Variants in ARHGAP24 observed in about 807,000 individuals in gnomAD.
ARHGAP24 encodes the protein Rho GTPase activating protein 24.
In ARHGAP24, 50 loss-of-function variants were observed where a neutral mutation model predicts 76.4. That is an observed-to-expected ratio of 0.65 (90% CI 0.52 to 0.83). ARHGAP24 has a LOEUF of 0.83. Ranked by LOEUF, ARHGAP24 falls within the 40% of genes least tolerant of loss-of-function variation. The pLI is 0.00. For missense variants in ARHGAP24, 930 were observed against 914.2 expected, an observed-to-expected ratio of 1.02 and a Z score of -0.22; for synonymous variants, 345 against 323.3, an observed-to-expected ratio of 1.07 and a Z score of -0.72.
intron 3 of ARHGAP24, among the ~76,000 whole-genome samples, chr4:85,842,676 C>T (rs1454884126): frequency 1.3e-5 from 2 of 152,178 alleles, no homozygotes; most frequent in African/African-American, 4.8e-5. Context: ...AATTAGTCAA[C>T]ATTGTTTGTA....
intron 2 of ARHGAP24, among the ~76,000 whole-genome samples, chr4:85,632,813 A>G (rs1167954366): frequency 1.3e-5 from 2 of 152,012 alleles, no homozygotes; most frequent in Non-Finnish European, 2.9e-5. Flanking sequence ...GTTTATATAT[A>G]AATGTTTTTA....
chr4:85,518,956 CG>C (rs1560517471), intron 1 of ARHGAP24, among the ~76,000 whole-genome samples: 1 of 152,124 alleles, frequency 6.6e-6, no homozygotes. Context: ...TTTTCCATAG[CG>C]GCAGTACTAG....
intron 3 of ARHGAP24, among the ~76,000 whole-genome samples, chr4:85,835,163 C>T (rs345371): frequency 0.95 from 144,221 of 152,120 alleles, 68,851 homozygotes; most frequent in South Asian, 1. Context: ...GCATACCTCA[C>T]TCTTGCCGAC....
chr4:85,949,464 G>A (rs567642700), intron 5 of ARHGAP24, among the ~76,000 whole-genome samples: 35 of 152,328 alleles, frequency 2.3e-4, no homozygotes, highest in Middle Eastern at 6.8e-3. Context: ...ATCCTAGAGA[G>A]CTTTACTGAC....
chr4:85,976,779 C>CT lies in ARHGAP24; in HGVS notation c.807-773dup, dbSNP rs200270054. Among the ~76,000 whole-genome samples the CT allele has an allele frequency of 2.9e-3, 382 of 130,436 alleles. 4 individuals are homozygous for CT. The highest frequency in any genetic ancestry group is 8.6e-3 in the African/African-American group (294 of 34,172). 85.6% of individuals were successfully genotyped at this position (130,436 alleles called of 152,430 possible). On this transcript the variant is annotated intron_variant, in intron 7 of 9. Transcript: ENST00000395184. ...TTAATTTCTACAGCATTTTATTTCTCTTTTTTTTTTTTTTTTTTCCGAGAC... is the reference window on the plus strand; with the variant it reads ...TTAATTTCTACAGCATTTTATTTCTCTTTTTTTTTTTTTTTTTTTCCGAGAC...
chr4:85,731,164 C>CACCACGCTACA (rs11267875), intron 3 of ARHGAP24, among the ~76,000 whole-genome samples: 2 of 151,888 alleles, frequency 1.3e-5, no homozygotes, highest in Non-Finnish European at 2.9e-5. Context: ...CCCACAAAAC[C>CACCACGCTACA]ACCTTCTTAT....
chr4:85,579,217 T>A (rs1727507132), intron 2 of ARHGAP24, among the ~76,000 whole-genome samples: 1 of 152,116 alleles, frequency 6.6e-6, no homozygotes, highest in African/African-American at 2.4e-5. Context: ...TATTCTCACA[T>A]CTACTCTTAT....
chr4:85,944,639 G>C (rs1296325314), intron 5 of ARHGAP24, among the ~76,000 whole-genome samples: 2 of 152,096 alleles, frequency 1.3e-5, no homozygotes, highest in East Asian at 3.9e-4. Flanking sequence ...TGAAGTCTTT[G>C]TCTGGGGCCT....
intron 3 of ARHGAP24, among the ~76,000 whole-genome samples, chr4:85,767,102 C>T (rs1726956169): frequency 6.6e-6 from 1 of 152,086 alleles, no homozygotes; most frequent in Non-Finnish European, 1.5e-5. Context: ...GCTATACTAT[C>T]TAAGTTTGTA....
At chr4:85,866,365 A>T (rs1391332637) in intron 3 of ARHGAP24, among the ~76,000 whole-genome samples, 1 of 152,130 alleles carries the variant, frequency 6.6e-6, no homozygotes, top group Admixed American at 6.6e-5. Context: ...ATGGAAAAAG[A>T]AAAACCTTAA....
At chr4:85,595,039 A>T (rs1365865618) in intron 2 of ARHGAP24, among the ~76,000 whole-genome samples, 1 of 151,500 alleles carries the variant, frequency 6.6e-6, no homozygotes, top group Non-Finnish European at 1.5e-5. Flanking sequence ...GCTATTCTAC[A>T]TCCATGCTTA....
intron 3 of ARHGAP24, among the ~76,000 whole-genome samples, chr4:85,880,517 TTTTGTG>T (rs1050355291): frequency 8.9e-5 from 2 of 22,596 alleles, no homozygotes; most frequent in Non-Finnish European, 1.8e-4. Context: ...AATGCATAAC[TTTTGTG>T]TGTGTGTGTG....
intron 2 of ARHGAP24, among the ~76,000 whole-genome samples, chr4:85,583,634 C>A (rs1242526845): frequency 3.3e-5 from 5 of 151,636 alleles, no homozygotes; most frequent in Non-Finnish European, 7.4e-5. Context: ...GCAAAAGAAA[C>A]TACCATCAGA....
At chr4:85,729,840 A>G (rs1362352893) in intron 3 of ARHGAP24, among the ~76,000 whole-genome samples, 1 of 152,232 alleles carries the variant, frequency 6.6e-6, no homozygotes, top group Non-Finnish European at 1.5e-5. Flanking sequence ...CCACTTAAAA[A>G]TGTAAAAAAT....
intron 2 of ARHGAP24, among the ~76,000 whole-genome samples, chr4:85,591,425 A>C (rs1252654080): frequency 6.6e-6 from 1 of 152,172 alleles, no homozygotes; most frequent in Admixed American, 6.6e-5. Flanking sequence ...TCTGCTTTCT[A>C]CTTTTATCAG....
At chr4:85,749,935 C>T (rs1011516537) in intron 3 of ARHGAP24, among the ~76,000 whole-genome samples, 1 of 152,106 alleles carries the variant, frequency 6.6e-6, no homozygotes, top group Non-Finnish European at 1.5e-5. Flanking sequence ...AGAGTTTCCT[C>T]TCTGTGGTCT....
intron 3 of ARHGAP24, among the ~76,000 whole-genome samples, chr4:85,793,768 A>G (rs1191551411): frequency 3.3e-5 from 5 of 152,198 alleles, no homozygotes; most frequent in Non-Finnish European, 7.4e-5. Context: ...ATACTTATCC[A>G]CTGCTCATGG....
chr4:85,992,783 C>T (rs541829154), intron 8 of ARHGAP24, among the ~76,000 whole-genome samples: 1 of 148,892 alleles, frequency 6.7e-6, no homozygotes, highest in African/African-American at 2.5e-5. Flanking sequence ...GAAAAGAAGG[C>T]TATATAATAC....
intron 1 of ARHGAP24, among the ~76,000 whole-genome samples, chr4:85,482,419 A>T (rs1322790483): frequency 6.6e-6 from 1 of 152,166 alleles, no homozygotes; most frequent in Non-Finnish European, 1.5e-5. Flanking sequence ...AGGTTGGTGG[A>T]TTCCAAGGAG....
Sources: allele counts gnomAD v4.1 joint callset (sites outside exome capture counted in the v4.1 genomes callset), GRCh38; gene constraint gnomAD v4.1.1; transcripts MANE v1.5; gene names NCBI Gene and HGNC (gene_info 2026-07-23, HGNC 2026-07-21).